Variants in RUNDC3B observed in about 807,000 individuals in gnomAD.
RUNDC3B encodes RUN domain containing 3B.
In RUNDC3B, 33 loss-of-function variants were observed where a neutral mutation model predicts 58.4. The ratio of observed to expected loss-of-function variants is 0.56; its 90% CI spans 0.43 to 0.75. The LOEUF is 0.75. Ranked by LOEUF, RUNDC3B falls within the 30% of genes least tolerant of loss-of-function variation. The probability of loss-of-function intolerance (pLI) is 0.00; values close to 1 mark genes in which losing one functional copy is unlikely to be tolerated. For missense variants in RUNDC3B, 501 were observed against 535.7 expected (o/e 0.94, Z 0.64); for synonymous variants, 193 against 195.2 (o/e 0.99, Z 0.10).
intron 1 of RUNDC3B, among the ~76,000 whole-genome samples, chr7:87,631,669 A>C (rs1421633517): frequency 6.6e-6 from 1 of 152,230 alleles, no homozygotes; most frequent in Non-Finnish European, 1.5e-5. Context: ...CTGGGATTAC[A>C]GGCGTGAGCC....
chr7:87,719,724 TGAG>T (rs1156244950), intron 4 of RUNDC3B, among the ~76,000 whole-genome samples: 8 of 151,960 alleles, frequency 5.3e-5, no homozygotes, highest in South Asian at 2.1e-4. Context: ...ACTGAGGTGA[TGAG>T]GAGATTTGTA....
At chr7:87,793,944 C>A (rs1055779479) in intron 8 of RUNDC3B, among the ~76,000 whole-genome samples, 6 of 152,034 alleles carry the variant, frequency 3.9e-5, no homozygotes, top group African/African-American at 7.2e-5. Flanking sequence ...CTAAAGACTC[C>A]ACCAAAAAAC....
chr7:87,727,239 CTTA>C (rs1439032810), intron 4 of RUNDC3B, among the ~76,000 whole-genome samples: 1 of 152,100 alleles, frequency 6.6e-6, no homozygotes, highest in African/African-American at 2.4e-5. Context: ...ATAAATATCT[CTTA>C]TTATTTTGAG....
intron 2 of RUNDC3B, among the ~76,000 whole-genome samples, chr7:87,671,472 A>AT: frequency 6.6e-6 from 1 of 152,042 alleles, no homozygotes; most frequent in Middle Eastern, 3.4e-3. Flanking sequence ...ACTCTGGCCA[A>AT]TTTTCCATAG....
At chr7:87,778,028 G>A in intron 8 of RUNDC3B, 73 bp downstream of exon 8, 1 of 1,310,316 alleles carries the variant, frequency 7.6e-7, no homozygotes, top group South Asian at 1.5e-5. Context: ...TTTGATACAG[G>A]AGGCAAATTC....
chr7:87,744,453 GTGTTTCCATT>G (rs1021355884), intron 6 of RUNDC3B, among the ~76,000 whole-genome samples: 1 of 152,118 alleles, frequency 6.6e-6, no homozygotes, highest in African/African-American at 2.4e-5. Context: ...AGCATGGGAT[GTGTTTCCATT>G]TGTTCATGTA....
intron 1 of RUNDC3B, among the ~76,000 whole-genome samples, chr7:87,639,153 C>CAA (rs71117547): frequency 0.038 from 3,174 of 82,900 alleles, 238 homozygotes; most frequent in African/African-American, 0.084. Flanking sequence ...GACTCCGTCT[C>CAA]AAAAAAAAAA....
chr7:87,667,082 G>T (rs1343574109), intron 2 of RUNDC3B, among the ~76,000 whole-genome samples: 1 of 152,164 alleles, frequency 6.6e-6, no homozygotes, highest in African/African-American at 2.4e-5. Context: ...GCTTTGGGCA[G>T]TATAGCCATT....
intron 7 of RUNDC3B, among the ~76,000 whole-genome samples, chr7:87,772,437 T>G (rs1834335417): frequency 6.6e-6 from 1 of 152,108 alleles, no homozygotes; most frequent in Non-Finnish European, 1.5e-5. Flanking sequence ...TAGATGTAAA[T>G]GACCATAAGA....
At chr7:87,758,768 C>G (rs1486888737) in intron 6 of RUNDC3B, among the ~76,000 whole-genome samples, 1 of 152,104 alleles carries the variant, frequency 6.6e-6, no homozygotes, top group African/African-American at 2.4e-5. Context: ...CAAATCAAAA[C>G]TACAATGAGA....
At chr7:87,651,694 A>G (rs948029988) in intron 2 of RUNDC3B, among the ~76,000 whole-genome samples, 53 of 152,130 alleles carry the variant, frequency 3.5e-4, no homozygotes, top group African/African-American at 1.3e-3. Context: ...CTTTGGTAAC[A>G]TAACTTATGA....
At chr7:87,796,574 A>T (rs886867274) in intron 8 of RUNDC3B, among the ~76,000 whole-genome samples, 2 of 152,208 alleles carry the variant, frequency 1.3e-5, no homozygotes, top group Non-Finnish European at 2.9e-5. Context: ...CGACATAAAA[A>T]CATAACATCT....
chr7:87,766,982 T>C (rs1405907655), intron 6 of RUNDC3B, among the ~76,000 whole-genome samples: 1 of 152,178 alleles, frequency 6.6e-6, no homozygotes, highest in Admixed American at 6.5e-5. Flanking sequence ...ATTAGAAAAA[T>C]CAATCTTCAA....
chr7:87,740,505 G>C (rs1832256605), intron 5 of RUNDC3B, among the ~76,000 whole-genome samples: 1 of 151,754 alleles, frequency 6.6e-6, no homozygotes, highest in Non-Finnish European at 1.5e-5. Context: ...GAAAGTAAAA[G>C]GTTTGTCTAT....
At chr7:87,769,166 ATT>A (rs77945268) in intron 6 of RUNDC3B, among the ~76,000 whole-genome samples, 9 of 135,048 alleles carry the variant, frequency 6.7e-5, no homozygotes, top group Non-Finnish European at 4.8e-5. Flanking sequence ...ACGCCCAGCT[ATT>A]TTTTTTTTTT....
chr7:87,684,932 C>T (rs559048416), intron 2 of RUNDC3B, among the ~76,000 whole-genome samples: 1 of 151,144 alleles, frequency 6.6e-6, no homozygotes, highest in Non-Finnish European at 1.5e-5. Context: ...GAACCTTGTT[C>T]CTTACCTCAC....
Position 87,629,124 on chromosome 7 carries a change from C to G in RUNDC3B, c.122+179C>G, listed in dbSNP as rs1034010285. The G allele has an allele frequency of 8.3e-6, 4 of 483,278 alleles. No individual in the cohort carries two copies. In the South Asian group the frequency reaches 4.6e-4, roughly 56 times the overall value. 29.9% of individuals were successfully genotyped at this position (483,278 alleles called of 1,614,324 possible). On this transcript the variant is annotated intron_variant, in intron 1 of 10. Transcript: ENST00000394654. ...TGGACAGGGGCCCGGGTCTGGACACCGTCGCAGCCCTGGACTTTGTGTCAG... is the reference window on the plus strand; with the variant it reads ...TGGACAGGGGCCCGGGTCTGGACACGGTCGCAGCCCTGGACTTTGTGTCAG...
chr7:87,693,502 G>GT (rs1828201654), intron 2 of RUNDC3B, among the ~76,000 whole-genome samples: 2 of 152,150 alleles, frequency 1.3e-5, no homozygotes, highest in African/African-American at 4.8e-5. Context: ...CAAAGTGAGT[G>GT]ATTTTTTTTC....
At chr7:87,807,834 G>C (rs1263935167) in intron 9 of RUNDC3B, among the ~76,000 whole-genome samples, 1 of 151,944 alleles carries the variant, frequency 6.6e-6, no homozygotes, top group Non-Finnish European at 1.5e-5. Flanking sequence ...TTTCCCACTT[G>C]TCATAAAACA....
Sources: gnomAD v4.1 joint callset for allele counts (sites outside exome capture counted in the v4.1 genomes callset) on GRCh38, gnomAD v4.1.1 for gene constraint, MANE v1.5 for transcripts, NCBI Gene and HGNC (gene_info 2026-07-23, HGNC 2026-07-21) for gene names.